The following HMGCLL1 variants were observed in gnomAD, a reference collection of about 807,000 sequenced individuals.
The protein encoded by HMGCLL1 is 3-hydroxymethyl-3-methylglutaryl-CoA lyase, cytoplasmic.
HMGCLL1 carries 36 observed loss-of-function variants against 39.1 expected under a neutral mutation model. The ratio of observed to expected loss-of-function variants is 0.92; its 90% CI spans 0.71 to 1.22. The LOEUF (loss-of-function observed/expected upper bound fraction) is 1.22. Among genes scored for constraint, HMGCLL1 ranks in the 50% most tolerant of loss-of-function variants. HMGCLL1 has a pLI of 0.00. For missense variants in HMGCLL1, 451 were observed against 416.5 expected (o/e 1.08, Z -0.72); for synonymous variants, 149 against 144.0 (o/e 1.03, Z -0.25).
chr6:55,501,977 T>A (rs1766914781), intron 5 of HMGCLL1, among the ~76,000 whole-genome samples: 1 of 151,858 alleles, frequency 6.6e-6, no homozygotes, highest in Admixed American at 6.6e-5. Context: ...TGATTTCTAC[T>A]TTTCTGAAGC....
At chr6:55,594,555 C>T in the HMGCLL1 span, among the ~76,000 whole-genome samples, 1 of 152,162 alleles carries the variant, frequency 6.6e-6, no homozygotes, top group Non-Finnish European at 1.5e-5. Context: ...TGCAGGAAAA[C>T]CAACAACAAA....
At chr6:55,457,771 C>A (rs1181294217) in intron 7 of HMGCLL1, among the ~76,000 whole-genome samples, 2 of 152,096 alleles carry the variant, frequency 1.3e-5, no homozygotes, top group Non-Finnish European at 2.9e-5. Context: ...GAGAAAGGAA[C>A]TCTTTTTCAT....
intron 7 of HMGCLL1, among the ~76,000 whole-genome samples, chr6:55,443,721 G>A (rs559053414): frequency 1.5e-4 from 22 of 151,324 alleles, no homozygotes; most frequent in African/African-American, 3.6e-4. Flanking sequence ...AAGATTGTGC[G>A]TGAAAACTGT....
chr6:55,440,166 G>A (rs921812758), intron 7 of HMGCLL1, among the ~76,000 whole-genome samples: 3 of 152,072 alleles, frequency 2.0e-5, no homozygotes, highest in Non-Finnish European at 4.4e-5. Flanking sequence ...CAGCAGTAAC[G>A]CCAGCTTACA....
At chr6:55,560,031 C>T (rs1047180321) in intron 1 of HMGCLL1, among the ~76,000 whole-genome samples, 3 of 152,104 alleles carry the variant, frequency 2.0e-5, no homozygotes, top group South Asian at 2.1e-4. Context: ...CTAATTCATT[C>T]GTTCATTCAC....
intron 3 of HMGCLL1, among the ~76,000 whole-genome samples, chr6:55,539,940 AGAAG>A (rs753957303): frequency 0.012 from 704 of 57,026 alleles, 13 homozygotes; most frequent in Middle Eastern, 0.018. Flanking sequence ...GAGGAGGAGG[AGAAG>A]GAAGGAAGGA....
chr6:55,552,384 T>C (rs1278562847), intron 1 of HMGCLL1, among the ~76,000 whole-genome samples: 1 of 152,032 alleles, frequency 6.6e-6, no homozygotes, highest in Non-Finnish European at 1.5e-5. Flanking sequence ...TACTCCAGTA[T>C]CTGCTATCCA....
chr6:55,478,396 G>T (rs1001725798), intron 7 of HMGCLL1, among the ~76,000 whole-genome samples: 4 of 151,296 alleles, frequency 2.6e-5, no homozygotes, highest in Non-Finnish European at 5.9e-5. Context: ...CTGGAGAAGA[G>T]AAGTGAAAGG....
At chr6:55,597,515 TAA>T in the HMGCLL1 span, among the ~76,000 whole-genome samples, 2 of 143,200 alleles carry the variant, frequency 1.4e-5, no homozygotes. Flanking sequence ...ATTAAGATGT[TAA>T]AAAAAAAAAG....
upstream of HMGCLL1, among the ~76,000 whole-genome samples, chr6:55,580,518 C>T (rs1771962647): frequency 6.8e-6 from 1 of 146,440 alleles, no homozygotes; most frequent in Non-Finnish European, 1.5e-5. Context: ...CAGGTTCACG[C>T]CATTCTCCTG....
the HMGCLL1 span, among the ~76,000 whole-genome samples, chr6:55,673,124 C>G: frequency 2.1e-3 from 321 of 152,078 alleles, 1 homozygote; most frequent in African/African-American, 7.3e-3. Context: ...TTTCTCATAA[C>G]AGCAAGATTT....
At position 55,493,770 on chromosome 6, in the gene HMGCLL1, T is replaced by C. The variant is rs529787658; in HGVS notation, c.795+1649A>G. The stretch of plus-strand genomic sequence containing the variant: ...TTTTTTGAGAAGGAGTCTTGCTCTG[T>C]CGCCCAGGCTGCAGTGCAGTGGTAC... On this transcript the variant is annotated intron_variant, in intron 7 of 8. Coordinates refer to ENST00000274901, the MANE Select transcript of HMGCLL1 (RefSeq NM_001042406.2). Among the ~76,000 whole-genome samples, 14 of 152,062 alleles carry C rather than the reference T, an allele frequency of 9.2e-5. No individual in the cohort carries two copies. In the East Asian group the frequency reaches 2.5e-3, roughly 27 times the overall value.
chr6:55,589,532 G>C, the HMGCLL1 span, among the ~76,000 whole-genome samples: 1 of 152,170 alleles, frequency 6.6e-6, no homozygotes. Flanking sequence ...ATTCAACATA[G>C]TGTTAGAAGT....
At chr6:55,510,695 G>T (rs1767412288) in intron 5 of HMGCLL1, among the ~76,000 whole-genome samples, 1 of 150,288 alleles carries the variant, frequency 6.7e-6, no homozygotes, top group Non-Finnish European at 1.5e-5. Flanking sequence ...AATGCTAAAT[G>T]ATGAGTTAAT....
chr6:55,671,084 C>T, the HMGCLL1 span, among the ~76,000 whole-genome samples: 1 of 151,848 alleles, frequency 6.6e-6, no homozygotes, highest in Admixed American at 6.6e-5. Context: ...AATGTGTATT[C>T]ACTTCTAATA....
chr6:55,550,497 T>G (rs1198972727), intron 1 of HMGCLL1, among the ~76,000 whole-genome samples: 2 of 151,810 alleles, frequency 1.3e-5, no homozygotes, highest in African/African-American at 4.9e-5. Context: ...ATCCTTTACT[T>G]CCCCACAGTT....
intron 3 of HMGCLL1, among the ~76,000 whole-genome samples, chr6:55,532,803 ACATAATAATAATAATAAT>A (rs202176985): frequency 0.32 from 44,208 of 138,362 alleles, 8,017 homozygotes; most frequent in Non-Finnish European, 0.39. Context: ...TCTGTCTCAA[ACATAATAATAATAATAAT>A]AATAATAATA....
At chr6:55,483,951 T>A (rs1293287354) in intron 7 of HMGCLL1, among the ~76,000 whole-genome samples, 1 of 152,180 alleles carries the variant, frequency 6.6e-6, no homozygotes, top group Non-Finnish European at 1.5e-5. Flanking sequence ...TGGATGAACA[T>A]TTTGTATTAG....
At chr6:55,496,124 G>A (rs1037340663) in intron 6 of HMGCLL1, among the ~76,000 whole-genome samples, 5 of 151,942 alleles carry the variant, frequency 3.3e-5, no homozygotes, top group Non-Finnish European at 5.9e-5. Flanking sequence ...CCACTTGTAC[G>A]TGATTTTTTA....
Sources: allele counts gnomAD v4.1 joint callset (sites outside exome capture counted in the v4.1 genomes callset), GRCh38; gene constraint gnomAD v4.1.1; transcripts MANE v1.5; gene names NCBI Gene and HGNC (gene_info 2026-07-23, HGNC 2026-07-21).